Variants in RAD50 observed in about 807,000 individuals in gnomAD.
RAD50 encodes DNA repair protein RAD50.
Under a neutral mutation model 168.8 loss-of-function variants are expected in RAD50, and 132 were observed. The observed-to-expected ratio is 0.78, with a 90% confidence interval of 0.68 to 0.90. The LOEUF is 0.90. Among genes scored for constraint, RAD50 ranks in the 40% least tolerant of loss-of-function variants. The pLI is 0.00. For missense variants in RAD50, 1,347 were observed against 1,534.4 expected (o/e 0.88, Z 2.04); for synonymous variants, 525 against 497.4 (o/e 1.06, Z -0.74).
At chr5:132,570,300 C>T (rs955203213) in intron 2 of RAD50, among the ~76,000 whole-genome samples, 2 of 152,116 alleles carry the variant, frequency 1.3e-5, no homozygotes, top group African/African-American at 4.8e-5. Flanking sequence ...AGCAAAGCCC[C>T]TTATACTAGA....
intron 5 of RAD50, among the ~76,000 whole-genome samples, chr5:132,585,339 G>A (rs1750577854): frequency 6.6e-6 from 1 of 152,102 alleles, no homozygotes; most frequent in African/African-American, 2.4e-5. Context: ...ACTTAGTACT[G>A]TCAGTCTTTT....
At chr5:132,569,357 C>G (rs1383201591) in intron 2 of RAD50, among the ~76,000 whole-genome samples, 1 of 152,008 alleles carries the variant, frequency 6.6e-6, no homozygotes, top group African/African-American at 2.4e-5. Flanking sequence ...GAAAAGAAAG[C>G]TGAAGTGACC....
chr5:132,564,358 G>A (rs890909235), intron 2 of RAD50, among the ~76,000 whole-genome samples: 1 of 152,182 alleles, frequency 6.6e-6, no homozygotes, highest in Non-Finnish European at 1.5e-5. Flanking sequence ...CTGGAGTAAA[G>A]GTCACTCTTG....
chr5:132,616,247 A>G, intron 20 of RAD50, 117 bp downstream of exon 20: 1 of 987,914 alleles, frequency 1.0e-6, no homozygotes, highest in Non-Finnish European at 1.5e-6. Context: ...TTTGAGAGTT[A>G]CTAGAAGGTG....
chr5:132,589,214 G>T (rs1162125439), intron 8 of RAD50, among the ~76,000 whole-genome samples: 1 of 152,054 alleles, frequency 6.6e-6, no homozygotes, highest in Non-Finnish European at 1.5e-5. Flanking sequence ...CACATGTTTT[G>T]GTCAGTGATA....
chr5:132,588,121 C>G lies in RAD50; in HGVS notation c.1051+32C>G, dbSNP rs201503622. 2.7e-4 allele frequency: 420 copies of G among 1,584,010 alleles called. No homozygotes were observed. In the African/African-American group the frequency reaches 5.3e-3, roughly 20 times the overall value. ...CAAAATGTTTATTTGGTCGTTTTTC[C>G]TACTATGATGTTATACATTTTCTGT... On this transcript the variant is annotated intron_variant, in intron 7 of 24. Coordinates refer to ENST00000378823, the MANE Select transcript of RAD50 (RefSeq NM_005732.4).
intron 16 of RAD50, among the ~76,000 whole-genome samples, chr5:132,608,334 G>A (rs1472683691): frequency 6.6e-6 from 1 of 152,202 alleles, no homozygotes; most frequent in Non-Finnish European, 1.5e-5. Context: ...ATGCGTAGTG[G>A]TTAAGAGCGT....
At chr5:132,624,861 G>C (rs1484599372) in intron 21 of RAD50, among the ~76,000 whole-genome samples, 3 of 113,968 alleles carry the variant, frequency 2.6e-5, no homozygotes, top group Admixed American at 1.0e-4. Flanking sequence ...GACAGAAAGA[G>C]ACCCTGTCTC....
intron 2 of RAD50, among the ~76,000 whole-genome samples, chr5:132,567,804 A>G (rs965646993): frequency 2.0e-5 from 3 of 152,304 alleles, no homozygotes; most frequent in African/African-American, 7.2e-5. Flanking sequence ...CCACCTAACA[A>G]ATACTGAAAC....
chr5:132,640,618 G>T, intron 23 of RAD50, 54 bp from the exon 24 acceptor site: 1 of 1,612,538 alleles, frequency 6.2e-7, no homozygotes, highest in Non-Finnish European at 8.5e-7. Context: ...CTGCTTGCCT[G>T]CCATGAGATG....
At chr5:132,604,726 C>T (rs534119374) in intron 15 of RAD50, 80 bp from the exon 16 acceptor site, 10 of 1,210,898 alleles carry the variant, frequency 8.3e-6, no homozygotes, top group African/African-American at 3.0e-5. Flanking sequence ...TTCCATAGAC[C>T]GATAAAAATG....
At chr5:132,599,845 G>T (rs1750856702) in intron 13 of RAD50, among the ~76,000 whole-genome samples, 1 of 151,908 alleles carries the variant, frequency 6.6e-6, no homozygotes, top group African/African-American at 2.4e-5. Context: ...TTGGGCCTTC[G>T]TATCCCCCAC....
In RAD50 at chr5:132,604,829, C is replaced by T. The variant is rs181961360; in HGVS notation, c.2548C>T (p.Arg850Cys). The change falls in exon 16 of 25, where the codon CGT becomes TGT. Residue 850 changes from arginine (R) to cysteine (C), a missense_variant. By Grantham distance (180) the Arg-to-Cys change is radical. Transcript: ENST00000378823. The stretch of plus-strand genomic sequence containing the variant: ...AGTTTCTAGTAAGATTGAATTGAAT[C>T]GTAAGCTTATACAGGACCAGCAGGA... ...DTVSSKIELN[R>C]KLIQDQQEQI... is the part of the protein sequence containing the mutation. 191 of 1,611,912 alleles carry T rather than the reference C, an allele frequency of 1.2e-4. 1 individual carries two copies. The Admixed American group carries it at 1.5e-3, about 13-fold the overall frequency.
rs587781742 is a variant in RAD50, at chr5:132,594,868, G to T, written c.1794-1G>T. 1.8e-5 allele frequency: 28 copies of T among 1,598,950 alleles called. No individual in the cohort carries two copies. The highest frequency in any genetic ancestry group is 2.3e-5 in the Non-Finnish European group (27 of 1,166,956). The stretch of plus-strand genomic sequence containing the variant: ...AAAATCCATATTTGCTCTTATTTTA[G>T]CAAGGAACTAGCTTCATCTGAGCAG... On this transcript the variant is annotated splice_acceptor_variant, in intron 11 of 24. Coordinates refer to ENST00000378823, the MANE Select transcript of RAD50 (RefSeq NM_005732.4). LOFTEE classifies it high-confidence loss of function.
At chr5:132,628,733 G>C (rs1268197770) in intron 21 of RAD50, among the ~76,000 whole-genome samples, 1 of 152,046 alleles carries the variant, frequency 6.6e-6, no homozygotes, top group South Asian at 2.1e-4. Context: ...TGTAATCCCA[G>C]CTACTCAGGA....
At chr5:132,619,857 T>TATAAAG (rs1751251891) in intron 21 of RAD50, among the ~76,000 whole-genome samples, 1 of 136,868 alleles carries the variant, frequency 7.3e-6, no homozygotes, top group Non-Finnish European at 1.6e-5. Flanking sequence ...TATATAAAGA[T>TATAAAG]ATATATATAT....
chr5:132,568,510 C>T (rs1036463537), intron 2 of RAD50, among the ~76,000 whole-genome samples: 2 of 152,154 alleles, frequency 1.3e-5, no homozygotes, highest in South Asian at 2.1e-4. Flanking sequence ...GAATGCATCA[C>T]AAGCAGCATA....
At chr5:132,574,474 C>T (rs1411472689) in intron 2 of RAD50, among the ~76,000 whole-genome samples, 1 of 152,190 alleles carries the variant, frequency 6.6e-6, no homozygotes, top group East Asian at 1.9e-4. Flanking sequence ...TCCTAAACCT[C>T]TGGGCTTGTG....
intron 19 of RAD50, among the ~76,000 whole-genome samples, chr5:132,611,735 A>C (rs1278947725): frequency 6.7e-6 from 1 of 149,918 alleles, no homozygotes; most frequent in Non-Finnish European, 1.5e-5. Context: ...AAAAAGTCAC[A>C]ATTAGTCAAG....
Sources: allele counts gnomAD v4.1 joint callset (sites outside exome capture counted in the v4.1 genomes callset), GRCh38; gene constraint gnomAD v4.1.1; transcripts MANE v1.5; gene names NCBI Gene and HGNC (gene_info 2026-07-23, HGNC 2026-07-21).